FOXP4: variants seen among roughly 807,000 people sequenced by gnomAD.
FOXP4 encodes the protein forkhead box P4, also known as forkhead box protein P4.
FOXP4 carries 25 observed loss-of-function variants against 82.6 expected under a neutral mutation model. That is an observed-to-expected ratio of 0.30 (90% CI 0.22 to 0.42). FOXP4 has a LOEUF of 0.42. Among genes scored for constraint, FOXP4 ranks in the 10% least tolerant of loss-of-function variants. FOXP4 has a pLI of 1.00. For synonymous variants in FOXP4, 415 were observed against 388.2 expected, an observed-to-expected ratio of 1.07 and a Z score of -0.81; for missense variants, 785 against 900.9, an observed-to-expected ratio of 0.87 and a Z score of 1.65.
chr6:41,599,107 A>G lies in FOXP4; in HGVS notation c.*171A>G, dbSNP rs1313986349. The G allele has an allele frequency of 3.4e-6, 3 of 891,952 alleles. No individual in the cohort carries two copies. The East Asian group carries it at 8.2e-5, about 25-fold the overall frequency. The allele number at this position is 891,952 out of a possible 1,614,324, so 55.3% of individuals were successfully genotyped here. A position where few individuals can be genotyped will look rare whatever the true frequency, so the allele number is the denominator to read the frequency against. ...TGACCTGACAAAAACACGTAGGGGC[A>G]GGGACGGTCCCCACCCCCAGGGACA... is the stretch of plus-strand genomic sequence containing the variant. On this transcript the variant is annotated 3_prime_UTR_variant, in exon 17 of 17. Coordinates refer to ENST00000307972, the MANE Select transcript of FOXP4 (RefSeq NM_001012426.2).
At chr6:41,561,545 T>C (rs796882501) in intron 1 of FOXP4, among the ~76,000 whole-genome samples, 1 of 152,176 alleles carries the variant, frequency 6.6e-6, no homozygotes, top group South Asian at 2.1e-4. Flanking sequence ...GGTGTTCAGC[T>C]GCTCCTTGCT....
chr6:41,572,468 C>A (rs1360873578), intron 2 of FOXP4, among the ~76,000 whole-genome samples: 2 of 152,184 alleles, frequency 1.3e-5, no homozygotes, highest in Non-Finnish European at 2.9e-5. Flanking sequence ...GGCTTAATAA[C>A]CACTCATTAA....
chr6:41,590,600 A>G (rs1284508815), intron 12 of FOXP4, among the ~76,000 whole-genome samples: 1 of 152,020 alleles, frequency 6.6e-6, no homozygotes, highest in Non-Finnish European at 1.5e-5. Flanking sequence ...CGTGGCATTC[A>G]TGTGCTCATT....
At chr6:41,594,331 C>G (rs1313844953) in intron 13 of FOXP4, among the ~76,000 whole-genome samples, 1 of 152,204 alleles carries the variant, frequency 6.6e-6, no homozygotes, top group Non-Finnish European at 1.5e-5. Context: ...GCTGCCTGTT[C>G]TGAGCCACAG....
At chr6:41,566,812 G>A (rs1451636794) in intron 2 of FOXP4, among the ~76,000 whole-genome samples, 1 of 152,186 alleles carries the variant, frequency 6.6e-6, no homozygotes, top group Non-Finnish European at 1.5e-5. Flanking sequence ...GTGGGGCAGG[G>A]GGCGGGGTAT....
intron 1 of FOXP4, chr6:41,548,621 G>C (rs1054339955): frequency 3.3e-5 from 5 of 152,488 alleles, no homozygotes; most frequent in African/African-American, 1.2e-4. Context: ...GAAAACCAGG[G>C]CTGAAGGGCC....
intron 3 of FOXP4, among the ~76,000 whole-genome samples, chr6:41,584,332 T>C (rs1454588808): frequency 6.6e-6 from 1 of 152,230 alleles, no homozygotes; most frequent in Non-Finnish European, 1.5e-5. Context: ...CAAAATAGAC[T>C]GCGTGAGACT....
Position 41,585,415 on chromosome 6 carries a change from T to G in FOXP4, c.424-16T>G. 6.2e-7 allele frequency: 1 copy of G among 1,612,706 alleles called. No individual in the cohort carries two copies. The highest frequency in any genetic ancestry group is 8.5e-7 in the Non-Finnish European group (1 of 1,179,314). On this transcript the variant is annotated splice_polypyrimidine_tract_variant and intron_variant, in intron 4 of 16. Coordinates refer to ENST00000307972, the MANE Select transcript of FOXP4 (RefSeq NM_001012426.2). ...AGCAGTACCCTGCCAGTGGTAACCC[T>G]CCTCCACCCCCCCAGCTACAGGAGT...
chr6:41,591,223 C>A lies in FOXP4; in HGVS notation c.1437C>A (p.Ala479=). ...PFTYASLIRQ[A]ILETPDRQLT... ...CTTTGCTTGTTCCTTCCCCGCAGGC[C>A]ATCCTGGAAACCCCTGACAGGCAGC... Residue 479 remains alanine, a splice_region_variant and synonymous_variant, in exon 13 of 17, where the codon GCC becomes GCA. Coordinates refer to ENST00000307972, the MANE Select transcript of FOXP4 (RefSeq NM_001012426.2). The surrounding 1 kb of genome is among the most constrained non-coding windows in gnomAD (Gnocchi z 4.2). 6.2e-7 allele frequency: 1 copy of A among 1,607,234 alleles called. No individual in the cohort carries two copies. The highest frequency in any genetic ancestry group is 2.2e-5 in the East Asian group (1 of 44,786).
At chr6:41,550,271 G>A (rs1308046984) in intron 1 of FOXP4, among the ~76,000 whole-genome samples, 1 of 152,166 alleles carries the variant, frequency 6.6e-6, no homozygotes, top group Non-Finnish European at 1.5e-5. Flanking sequence ...TGTAAAGTAG[G>A]TCATAATACC....
chr6:41,594,893 C>T lies in FOXP4; in HGVS notation c.1560C>T (p.Ser520=), dbSNP rs1766732230. ...TWKNAVRHNL[S]LHKCFVRVEN... ...AGAACGCCGTGCGCCACAACCTCAG[C>T]CTGCACAAGTGCTTCGTCCGCGTGG... The change falls in exon 14 of 17, where the codon AGC becomes AGT. Residue 520 remains serine (S), a synonymous_variant. Transcript: ENST00000307972. 3.1e-6 allele frequency: 5 copies of T among 1,614,148 alleles called. No homozygotes were observed. Among genetic ancestry groups the T allele is most frequent in the Non-Finnish European group, 4.2e-6 (5 of 1,180,044 alleles).
rs147805336 is a variant in FOXP4 at position 41,593,381 on chromosome 6, C to T, written c.1537-1489C>T. On this transcript the variant is annotated intron_variant, in intron 13 of 16. Coordinates refer to ENST00000307972, the MANE Select transcript of FOXP4 (RefSeq NM_001012426.2). The surrounding 1 kb of genome is among the most constrained non-coding windows in gnomAD (Gnocchi z 4.1). The stretch of plus-strand genomic sequence containing the variant: ...AGGGACAGAGCTGCCATCTGCCAAG[C>T]TGATGGTCCTTGCTGGCCCTCCCCG... Among the ~76,000 whole-genome samples, 2,464 of 152,288 alleles carry T rather than the reference C, an allele frequency of 0.016. 32 individuals carry two copies. Among genetic ancestry groups the T allele is most frequent in the Non-Finnish European group, 0.024 (1,666 of 68,016 alleles).
chr6:41,595,049 C>A lies in FOXP4; in HGVS notation c.1658+58C>A, dbSNP rs984929436. 3.7e-6 allele frequency: 6 copies of A among 1,607,226 alleles called. No homozygotes were observed. In the African/African-American group the frequency reaches 6.7e-5, roughly 18 times the overall value. On this transcript the variant is annotated intron_variant, in intron 14 of 16. Coordinates refer to ENST00000307972, the MANE Select transcript of FOXP4 (RefSeq NM_001012426.2). ...TGCCCAGGGGGCAGGAGCCAACTCACCCCCACCCCCTACCTCTCCAGGGTA... is the reference window on the plus strand; with the variant it reads ...TGCCCAGGGGGCAGGAGCCAACTCAACCCCACCCCCTACCTCTCCAGGGTA...
chr6:41,598,722 T>C (rs1767031608), intron 16 of FOXP4, 67 bp from the exon 17 acceptor site: 1 of 1,546,722 alleles, frequency 6.5e-7, no homozygotes, highest in African/African-American at 1.4e-5. Flanking sequence ...TGGGTGAGTT[T>C]GGGGGGCAGG....
chr6:41,550,938 A>C (rs58953006), intron 1 of FOXP4, among the ~76,000 whole-genome samples: 1 of 152,174 alleles, frequency 6.6e-6, no homozygotes, highest in African/African-American at 2.4e-5. Context: ...CAAGTCTCAG[A>C]CCAGTTTGGG....
chr6:41,595,219 C>T (rs1766761814), intron 14 of FOXP4, among the ~76,000 whole-genome samples: 3 of 150,066 alleles, frequency 2.0e-5, no homozygotes, highest in Admixed American at 6.7e-5. Flanking sequence ...TCTGTCCTCA[C>T]TCTGACTGAG....
Position 41,558,702 on chromosome 6 carries a change from C to T in FOXP4, c.-16-7043C>T, listed in dbSNP as rs906403149. The stretch of plus-strand genomic sequence containing the variant: ...CACTGCCCTGAAGCCCTCCCCTTAC[C>T]TGGAGCCTGAAGCCAGAAGCCAGTG... On this transcript the variant is annotated intron_variant, in intron 1 of 16. Transcript: ENST00000307972. The surrounding 1 kb of genome is among the most constrained non-coding windows in gnomAD (Gnocchi z 4.0). 2.0e-5 allele frequency among the ~76,000 whole-genome samples: 3 copies of T among 152,244 alleles called. No homozygotes were observed. Among genetic ancestry groups the T allele is most frequent in the African/African-American group, 7.2e-5 (3 of 41,476 alleles).
rs1415172941 is a variant in FOXP4 at position 41,548,867 on chromosome 6, C to T, written c.-17+2000C>T. ...TTTTCAACTTGAGAAACTTTTGCCTCGGGGTTTTGGGGCTCTGTTACCTGG... is the reference window on the plus strand; with the variant it reads ...TTTTCAACTTGAGAAACTTTTGCCTTGGGGTTTTGGGGCTCTGTTACCTGG... On this transcript the variant is annotated intron_variant, in intron 1 of 16. Coordinates refer to ENST00000307972, the MANE Select transcript of FOXP4 (RefSeq NM_001012426.2). 3.6e-5 allele frequency among the ~76,000 whole-genome samples: 5 copies of T among 139,304 alleles called. No homozygotes were observed. In the Admixed American group the frequency reaches 3.7e-4, roughly 10 times the overall value. The allele number at this position is 139,304 out of a possible 152,430, so 91.4% of individuals were successfully genotyped here.
intron 2 of FOXP4, among the ~76,000 whole-genome samples, chr6:41,573,841 C>T (rs1765331273): frequency 6.6e-6 from 1 of 152,160 alleles, no homozygotes; most frequent in African/African-American, 2.4e-5. Flanking sequence ...CCAGATCTCT[C>T]TTGACGTCCA....
Sources: allele counts gnomAD v4.1 joint callset (sites outside exome capture counted in the v4.1 genomes callset), GRCh38; gene constraint gnomAD v4.1.1; non-coding constraint Gnocchi (gnomAD v3.1); transcripts MANE v1.5; gene names NCBI Gene and HGNC (gene_info 2026-07-23, HGNC 2026-07-21).